Variants in REDIC1 observed in about 807,000 individuals in gnomAD.
REDIC1 encodes HEI10 Interacting Protein 1.
chr12:39,841,245 G>A, the REDIC1 span, among the ~76,000 whole-genome samples: 1 of 152,138 alleles, frequency 6.6e-6, no homozygotes, highest in African/African-American at 2.4e-5. Context: ...ATTTAGCCTA[G>A]TAGCCAGAAT....
the REDIC1 span, among the ~76,000 whole-genome samples, chr12:39,645,256 T>C: frequency 2.6e-5 from 4 of 151,986 alleles, no homozygotes; most frequent in Non-Finnish European, 4.4e-5. Context: ...CATTTATTTC[T>C]TCAGCATATT....
At chr12:39,868,055 G>A in the REDIC1 span, among the ~76,000 whole-genome samples, 1 of 152,114 alleles carries the variant, frequency 6.6e-6, no homozygotes, top group African/African-American at 2.4e-5. Context: ...CTTATATTTA[G>A]TTAGTTACAG....
At chr12:39,692,000 ATAT>A in the REDIC1 span, 1 of 1,458,620 alleles carries the variant, frequency 6.9e-7, no homozygotes. Context: ...ATATAAGTGA[ATAT>A]TATTATGTAT....
At chr12:39,692,554 ATAT>A in the REDIC1 span, among the ~76,000 whole-genome samples, 3 of 150,670 alleles carry the variant, frequency 2.0e-5, no homozygotes, top group Non-Finnish European at 4.4e-5. Context: ...TTTTCACCCA[ATAT>A]TATATTTTAC....
At chr12:39,653,586 T>TTCTTTC in the REDIC1 span, among the ~76,000 whole-genome samples, 1 of 11,220 alleles carries the variant, frequency 8.9e-5, no homozygotes, top group Non-Finnish European at 4.5e-4. Context: ...CTTCCTCTTC[T>TTCTTTC]TCTTCCTCTT....
At chr12:39,880,604 A>G in the REDIC1 span, among the ~76,000 whole-genome samples, 1 of 152,238 alleles carries the variant, frequency 6.6e-6, no homozygotes, top group Admixed American at 6.5e-5. Flanking sequence ...CATTTAATAT[A>G]TTAGAAAATA....
At chr12:39,661,384 T>A in the REDIC1 span, among the ~76,000 whole-genome samples, 1 of 152,170 alleles carries the variant, frequency 6.6e-6, no homozygotes, top group African/African-American at 2.4e-5. Context: ...TGATTTTGAT[T>A]TGCATTTCCC....
chr12:39,628,632 A>G, the REDIC1 span, among the ~76,000 whole-genome samples: 1 of 152,136 alleles, frequency 6.6e-6, no homozygotes, highest in Non-Finnish European at 1.5e-5. Context: ...CAGCAAATAT[A>G]TTTTTTACCT....
the REDIC1 span, among the ~76,000 whole-genome samples, chr12:39,862,031 C>G: frequency 6.6e-6 from 1 of 152,198 alleles, no homozygotes; most frequent in African/African-American, 2.4e-5. Context: ...TCCCTTCCCC[C>G]ACCACTGCCC....
the REDIC1 span, chr12:39,764,705 T>C: frequency 1.3e-6 from 2 of 1,598,028 alleles, no homozygotes; most frequent in Admixed American, 3.6e-5. Flanking sequence ...GCAATTCAAT[T>C]AATGCAACAG....
At chr12:39,871,984 AT>A in the REDIC1 span, 2 of 1,523,794 alleles carry the variant, frequency 1.3e-6, no homozygotes, top group Non-Finnish European at 1.8e-6. Context: ...GAATAAAACA[AT>A]TGCTATTGAT....
chr12:39,708,574 C>T, the REDIC1 span, among the ~76,000 whole-genome samples: 15 of 151,802 alleles, frequency 9.9e-5, 1 homozygote, highest in African/African-American at 3.1e-4. Context: ...GTTCTTTAAT[C>T]CATTTGGAGT....
the REDIC1 span, among the ~76,000 whole-genome samples, chr12:39,821,005 A>G: frequency 1.3e-5 from 2 of 151,746 alleles, no homozygotes; most frequent in African/African-American, 4.8e-5. Context: ...TCTACTTCCT[A>G]CTGCACTGCT....
At chr12:39,785,662 C>T in the REDIC1 span, among the ~76,000 whole-genome samples, 1 of 152,152 alleles carries the variant, frequency 6.6e-6, no homozygotes, top group East Asian at 1.9e-4. Context: ...GGAAAAGCCA[C>T]AGACACTCAA....
At chr12:39,724,199 G>A in the REDIC1 span, among the ~76,000 whole-genome samples, 6 of 152,134 alleles carry the variant, frequency 3.9e-5, no homozygotes, top group Non-Finnish European at 5.9e-5. Flanking sequence ...TCTTGGGCGG[G>A]ATAAGTCTTT....
chr12:39,686,867 T>C, the REDIC1 span, among the ~76,000 whole-genome samples: 1 of 152,226 alleles, frequency 6.6e-6, no homozygotes. Flanking sequence ...ATATCTTCAA[T>C]GCTTTGCTGC....
chr12:39,760,838 G>T, the REDIC1 span, among the ~76,000 whole-genome samples: 10 of 151,680 alleles, frequency 6.6e-5, no homozygotes, highest in Admixed American at 5.9e-4. Flanking sequence ...AGCCTAGATG[G>T]ATGAGATATA....
the REDIC1 span, chr12:39,646,567 T>C: frequency 8.9e-7 from 1 of 1,120,218 alleles, no homozygotes; most frequent in Non-Finnish European, 1.2e-6. Flanking sequence ...CCCCCAGTTT[T>C]TGTTTGTTTG....
the REDIC1 span, among the ~76,000 whole-genome samples, chr12:39,853,593 CCTTT>C: frequency 6.6e-6 from 1 of 150,488 alleles, no homozygotes; most frequent in Admixed American, 6.6e-5. Flanking sequence ...TTCCTTCCTT[CCTTT>C]TCTTTCTTTC....
Sources: gnomAD v4.1 joint callset for allele counts (sites outside exome capture counted in the v4.1 genomes callset) on GRCh38, gnomAD v4.1.1 for gene constraint, MANE v1.5 for transcripts, NCBI Gene and HGNC (gene_info 2026-07-23, HGNC 2026-07-21) for gene names.